The following SFMBT1 variants were observed in gnomAD, a reference collection of about 807,000 sequenced individuals.
SFMBT1 encodes the protein scm-like with four MBT domains protein 1.
In SFMBT1, 32 loss-of-function variants were observed where a neutral mutation model predicts 108.7. That is an observed-to-expected ratio of 0.29 (90% CI 0.22 to 0.40). SFMBT1 has a LOEUF of 0.40. Among genes scored for constraint, SFMBT1 ranks in the 10% least tolerant of loss-of-function variants. The probability of loss-of-function intolerance (pLI) is 1.00; values close to 1 mark genes in which losing one functional copy is unlikely to be tolerated. For synonymous variants in SFMBT1, 348 were observed against 369.5 expected, an observed-to-expected ratio of 0.94 and a Z score of 0.67; for missense variants, 816 against 1,059.6, an observed-to-expected ratio of 0.77 and a Z score of 3.19.
intron 2 of SFMBT1, among the ~76,000 whole-genome samples, chr3:52,963,205 G>A (rs1400821103): frequency 6.6e-6 from 1 of 151,836 alleles, no homozygotes; most frequent in African/African-American, 2.4e-5. Flanking sequence ...ATGTTGGCCA[G>A]GCTGGTCTCA....
At chr3:52,974,871 G>C (rs1704465654) in intron 1 of SFMBT1, among the ~76,000 whole-genome samples, 1 of 150,238 alleles carries the variant, frequency 6.7e-6, no homozygotes, top group Non-Finnish European at 1.5e-5. Flanking sequence ...GCTGAGTGTG[G>C]TGGCACATGC....
intron 3 of SFMBT1, among the ~76,000 whole-genome samples, chr3:52,946,484 A>C (rs547696953): frequency 4.7e-4 from 71 of 152,310 alleles, no homozygotes; most frequent in African/African-American, 1.7e-3. Flanking sequence ...ATTACTTACG[A>C]GATTTATTCA....
intron 1 of SFMBT1, among the ~76,000 whole-genome samples, chr3:53,040,053 A>G (rs1260075841): frequency 6.6e-6 from 1 of 152,212 alleles, no homozygotes; most frequent in Non-Finnish European, 1.5e-5. Context: ...CAAAATTACC[A>G]TATACTATTT....
At chr3:52,956,967 C>A (rs1370824026) in intron 2 of SFMBT1, among the ~76,000 whole-genome samples, 1 of 152,100 alleles carries the variant, frequency 6.6e-6, no homozygotes, top group Admixed American at 6.6e-5. Flanking sequence ...ATTGGAAGTT[C>A]TCACTGGGGC....
intron 4 of SFMBT1, among the ~76,000 whole-genome samples, chr3:52,938,977 G>T (rs972378334): frequency 6.6e-6 from 1 of 152,140 alleles, no homozygotes. Flanking sequence ...CTGAAGTTCA[G>T]TTTGGCTAGA....
At chr3:52,933,651 T>G (rs1267465142) in intron 5 of SFMBT1, among the ~76,000 whole-genome samples, 2 of 152,196 alleles carry the variant, frequency 1.3e-5, no homozygotes, top group Non-Finnish European at 2.9e-5. Flanking sequence ...TTAGTATGTA[T>G]AAGGCCCTGG....
rs138693276 is a variant in SFMBT1, at chr3:53,025,805, T to G, written c.-131+20011A>C. On this transcript the variant is annotated intron_variant, in intron 1 of 20. Coordinates refer to ENST00000394752, the MANE Select transcript of SFMBT1 (RefSeq NM_016329.4). Reference sequence around the variant, plus strand: ...GGACTTTGCTGACTGCTGCCTCCACTATGCAGCCCTAACAATCTCTACTCA... The same window carrying G: ...GGACTTTGCTGACTGCTGCCTCCACGATGCAGCCCTAACAATCTCTACTCA... 4.6e-5 allele frequency among the ~76,000 whole-genome samples: 7 copies of G among 152,258 alleles called. No individual in the cohort carries two copies. In the South Asian group the frequency reaches 6.2e-4, roughly 14 times the overall value.
intron 2 of SFMBT1, among the ~76,000 whole-genome samples, chr3:52,967,636 T>C (rs189629610): frequency 3.7e-4 from 57 of 152,260 alleles, no homozygotes; most frequent in African/African-American, 1.2e-3. Flanking sequence ...TAATTAAAAA[T>C]AAACCAATTG....
At chr3:53,007,627 T>C (rs1698792493) in intron 1 of SFMBT1, among the ~76,000 whole-genome samples, 1 of 152,092 alleles carries the variant, frequency 6.6e-6, no homozygotes. Context: ...TCAATACAAA[T>C]AATAAAAGAT....
chr3:52,990,772 GT>G (rs1454547462), intron 1 of SFMBT1, among the ~76,000 whole-genome samples: 2 of 152,146 alleles, frequency 1.3e-5, no homozygotes, highest in Non-Finnish European at 2.9e-5. Context: ...AAGCTAAGGA[GT>G]TTTGGCCTTG....
chr3:53,006,092 G>A (rs929018120), intron 1 of SFMBT1, among the ~76,000 whole-genome samples: 1 of 152,228 alleles, frequency 6.6e-6, no homozygotes, highest in Admixed American at 6.5e-5. Flanking sequence ...CCCATTGGCG[G>A]AAGCATAGTG....
chr3:52,940,011 C>G (rs1422689141), intron 4 of SFMBT1, among the ~76,000 whole-genome samples: 1 of 151,794 alleles, frequency 6.6e-6, no homozygotes, highest in East Asian at 1.9e-4. Context: ...ATGTTTTTAT[C>G]TGACACAATG....
At chr3:52,955,125 T>C (rs1246999843) in intron 2 of SFMBT1, among the ~76,000 whole-genome samples, 3 of 152,194 alleles carry the variant, frequency 2.0e-5, no homozygotes, top group Admixed American at 1.3e-4. Flanking sequence ...ATACAGGCAC[T>C]GGTTTTTTGA....
At chr3:52,913,138 G>A (rs1239172300) in intron 15 of SFMBT1, among the ~76,000 whole-genome samples, 1 of 152,164 alleles carries the variant, frequency 6.6e-6, no homozygotes, top group Non-Finnish European at 1.5e-5. Context: ...CAGATGTGTA[G>A]CTTTATCACG....
chr3:52,930,837 G>T, intron 7 of SFMBT1, 104 bp downstream of exon 7: 1 of 822,952 alleles, frequency 1.2e-6, no homozygotes, highest in Non-Finnish European at 2.0e-6. Flanking sequence ...AGAGACCATG[G>T]CATTCTTACC....
chr3:52,936,893 C>CTTTT (rs5848969), intron 4 of SFMBT1, among the ~76,000 whole-genome samples: 4 of 114,978 alleles, frequency 3.5e-5, no homozygotes, highest in African/African-American at 1.3e-4. Flanking sequence ...TTACACATTT[C>CTTTT]TTTTTTTTTT....
At chr3:52,982,357 A>C (rs1704741979) in intron 1 of SFMBT1, among the ~76,000 whole-genome samples, 1 of 152,206 alleles carries the variant, frequency 6.6e-6, no homozygotes, top group African/African-American at 2.4e-5. Context: ...ACTTCACAGG[A>C]TTGACAACAG....
chr3:52,941,593 CAAA>C (rs145581859), intron 4 of SFMBT1, among the ~76,000 whole-genome samples: 24 of 64,032 alleles, frequency 3.7e-4, no homozygotes, highest in African/African-American at 9.8e-4. Context: ...GACTCTGTTT[CAAA>C]AAAAAAAAAA....
intron 1 of SFMBT1, among the ~76,000 whole-genome samples, chr3:52,980,520 T>A (rs1704673308): frequency 6.6e-6 from 1 of 152,146 alleles, no homozygotes; most frequent in African/African-American, 2.4e-5. Flanking sequence ...ATGCTGGACG[T>A]GCTTTCAAGA....
Sources: allele counts gnomAD v4.1 joint callset (sites outside exome capture counted in the v4.1 genomes callset), GRCh38; gene constraint gnomAD v4.1.1; transcripts MANE v1.5; gene names NCBI Gene and HGNC (gene_info 2026-07-23, HGNC 2026-07-21).